Variants in SETBP1 observed in about 807,000 individuals in gnomAD.
SETBP1 encodes SET binding protein 1.
Under a neutral mutation model 101.0 loss-of-function variants are expected in SETBP1, and 9 were observed. The ratio of observed to expected loss-of-function variants is 0.09; its 90% CI spans 0.05 to 0.16. The LOEUF (loss-of-function observed/expected upper bound fraction) is 0.16. Among genes scored for constraint, SETBP1 ranks in the 10% least tolerant of loss-of-function variants. The pLI is 1.00. For missense variants in SETBP1, 1,858 were observed against 2,033.8 expected (o/e 0.91, Z 1.66); for synonymous variants, 818 against 788.5 (o/e 1.04, Z -0.63).
chr18:44,991,184 A>G (rs766732098), intron 4 of SETBP1, among the ~76,000 whole-genome samples: 1 of 147,324 alleles, frequency 6.8e-6, no homozygotes, highest in African/African-American at 2.5e-5. Context: ...TGGAAGTTGC[A>G]GTAAACCAAG....
Position 44,866,572 on chromosome 18 carries a change from C to T in SETBP1, c.487-2658C>T, listed in dbSNP as rs931414254. Among the ~76,000 whole-genome samples the T allele has an allele frequency of 1.2e-4, 19 of 152,100 alleles. No individual in the cohort carries two copies. In the East Asian group the frequency reaches 1.3e-3, roughly 11 times the overall value. On this transcript the variant is annotated intron_variant, in intron 2 of 5. Coordinates refer to ENST00000649279, the MANE Select transcript of SETBP1 (RefSeq NM_015559.3). ...ATGTTCTTGTTAGGTGAAAAATAGACGAGTAAAAATACACACAACAGCACG... is the reference window on the plus strand; with the variant it reads ...ATGTTCTTGTTAGGTGAAAAATAGATGAGTAAAAATACACACAACAGCACG...
rs12965974 is a variant in SETBP1 at position 44,706,639 on chromosome 18, C to T, written c.486+4807C>T. ...AAAAAAAAAAAAATTCCAGTAGTGA[C>T]AGGGTTTTGAAGAGTTTCCAAGCTG... On this transcript the variant is annotated intron_variant, in intron 2 of 5. Coordinates refer to ENST00000649279, the MANE Select transcript of SETBP1 (RefSeq NM_015559.3). Among the ~76,000 whole-genome samples, 14 of 111,652 alleles carry T rather than the reference C, an allele frequency of 1.3e-4. No individual in the cohort carries two copies. In the East Asian group the frequency reaches 3.2e-3, roughly 26 times the overall value. 73.2% of individuals were successfully genotyped at this position (111,652 alleles called of 152,430 possible).
intron 2 of SETBP1, among the ~76,000 whole-genome samples, chr18:44,754,872 T>C (rs1236073843): frequency 6.6e-6 from 1 of 152,224 alleles, no homozygotes; most frequent in Non-Finnish European, 1.5e-5. Flanking sequence ...GAATTTAGTA[T>C]ACCCAAAGCC....
intron 4 of SETBP1, among the ~76,000 whole-genome samples, chr18:44,961,254 G>A (rs992109045): frequency 2.0e-5 from 3 of 152,230 alleles, no homozygotes; most frequent in Admixed American, 6.5e-5. Context: ...TAAGAAGAAA[G>A]AAGTGATCAG....
chr18:44,707,798 A>AGG (rs1191127024), intron 2 of SETBP1, among the ~76,000 whole-genome samples: 1 of 152,226 alleles, frequency 6.6e-6, no homozygotes, highest in Admixed American at 6.5e-5. Flanking sequence ...TGTAAGTAGC[A>AGG]GGGGTGCTCA....
intron 5 of SETBP1, among the ~76,000 whole-genome samples, chr18:45,050,658 A>C (rs999206415): frequency 1.3e-5 from 2 of 152,260 alleles, no homozygotes; most frequent in East Asian, 3.8e-4. Flanking sequence ...GATCGAAGGA[A>C]TGGAAATTTT....
chr18:44,902,756 T>G (rs770447828), intron 3 of SETBP1, among the ~76,000 whole-genome samples: 1 of 152,190 alleles, frequency 6.6e-6, no homozygotes, highest in African/African-American at 2.4e-5. Context: ...TACCTCTTTA[T>G]GGTATTTTCA....
chr18:44,761,336 C>T (rs187491870), intron 2 of SETBP1, among the ~76,000 whole-genome samples: 2 of 152,176 alleles, frequency 1.3e-5, no homozygotes, highest in African/African-American at 4.8e-5. Context: ...GCTATAATCA[C>T]CCTACAGTGT....
At chr18:44,735,758 T>A (rs1221419505) in intron 2 of SETBP1, among the ~76,000 whole-genome samples, 8 of 152,202 alleles carry the variant, frequency 5.3e-5, no homozygotes, top group Admixed American at 5.2e-4. Flanking sequence ...CGCCTACTAG[T>A]AGTCCATGAC....
chr18:44,720,123 T>C (rs1272672210), intron 2 of SETBP1, among the ~76,000 whole-genome samples: 1 of 152,170 alleles, frequency 6.6e-6, no homozygotes, highest in African/African-American at 2.4e-5. Flanking sequence ...ATGATAGATA[T>C]TGCATACAAT....
intron 2 of SETBP1, among the ~76,000 whole-genome samples, chr18:44,765,135 GTTACGAAA>G (rs1304697827): frequency 6.6e-6 from 1 of 152,152 alleles, no homozygotes; most frequent in Non-Finnish European, 1.5e-5. Context: ...CAAGCTCCGT[GTTACGAAA>G]TTCACCTAGA....
At chr18:44,933,538 C>T (rs376361515) in intron 3 of SETBP1, among the ~76,000 whole-genome samples, 1 of 152,266 alleles carries the variant, frequency 6.6e-6, no homozygotes, top group Admixed American at 6.5e-5. Flanking sequence ...CAGCTATGCC[C>T]TGCCCTCAGA....
At chr18:44,887,098 A>C (rs2069666249) in intron 3 of SETBP1, among the ~76,000 whole-genome samples, 1 of 152,098 alleles carries the variant, frequency 6.6e-6, no homozygotes, top group Non-Finnish European at 1.5e-5. Context: ...TAGATGTATG[A>C]CCTTCAGAAA....
At chr18:45,048,127 G>A (rs2073649021) in intron 5 of SETBP1, among the ~76,000 whole-genome samples, 2 of 152,170 alleles carry the variant, frequency 1.3e-5, no homozygotes, top group Non-Finnish European at 2.9e-5. Context: ...GAGGCAGAGT[G>A]GAACTGGATT....
intron 3 of SETBP1, among the ~76,000 whole-genome samples, chr18:44,948,452 A>G (rs1397176506): frequency 2.6e-5 from 4 of 152,104 alleles, no homozygotes; most frequent in Admixed American, 6.6e-5. Context: ...CATAAGTTCT[A>G]TAGCTTCAAT....
chr18:44,942,112 C>T (rs1209907845), intron 3 of SETBP1, among the ~76,000 whole-genome samples: 3 of 152,070 alleles, frequency 2.0e-5, no homozygotes, highest in South Asian at 4.1e-4. Flanking sequence ...TTTATGCTAT[C>T]GAGAGTTCTT....
chr18:44,862,787 T>G (rs2069043273), intron 2 of SETBP1, among the ~76,000 whole-genome samples: 1 of 152,230 alleles, frequency 6.6e-6, no homozygotes, highest in Admixed American at 6.5e-5. Context: ...GTGTGTATTT[T>G]CAGGGGACAG....
At chr18:44,844,334 C>T (rs1191497143) in intron 2 of SETBP1, among the ~76,000 whole-genome samples, 4 of 77,050 alleles carry the variant, frequency 5.2e-5, no homozygotes, top group Non-Finnish European at 2.7e-5. Flanking sequence ...ACCCCACACA[C>T]ACACGTGCAC....
intron 3 of SETBP1, among the ~76,000 whole-genome samples, chr18:44,891,448 A>G (rs925466035): frequency 6.6e-6 from 1 of 152,080 alleles, no homozygotes; most frequent in Admixed American, 6.5e-5. Context: ...CTTAGATTTT[A>G]CCTCTGAATA....
Sources: allele counts gnomAD v4.1 joint callset (sites outside exome capture counted in the v4.1 genomes callset), GRCh38; gene constraint gnomAD v4.1.1; transcripts MANE v1.5; gene names NCBI Gene and HGNC (gene_info 2026-07-23, HGNC 2026-07-21).